The following GTF2E2 variants were observed in gnomAD, a reference collection of about 807,000 sequenced individuals.
GTF2E2 encodes the protein general transcription factor IIE subunit 2.
GTF2E2 carries 21 observed loss-of-function variants against 40.5 expected under a neutral mutation model. The observed-to-expected ratio is 0.52, with a 90% CI of 0.37 to 0.75. GTF2E2 has a LOEUF of 0.75. Ranked by LOEUF, GTF2E2 falls within the 30% of genes least tolerant of loss-of-function variation. The pLI is 0.00. For missense variants in GTF2E2, 298 were observed against 338.4 expected, an observed-to-expected ratio of 0.88 and a Z score of 0.94; for synonymous variants, 117 against 121.6, an observed-to-expected ratio of 0.96 and a Z score of 0.25.
intron 3 of GTF2E2, among the ~76,000 whole-genome samples, chr8:30,616,834 A>C (rs772399450): frequency 6.6e-6 from 1 of 152,162 alleles, no homozygotes; most frequent in African/African-American, 2.4e-5. Context: ...TTTAAAGTAA[A>C]TAAGAAAAAA....
At chr8:30,627,548 G>A (rs1801324475) in intron 3 of GTF2E2, among the ~76,000 whole-genome samples, 1 of 151,926 alleles carries the variant, frequency 6.6e-6, no homozygotes, top group African/African-American at 2.4e-5. Flanking sequence ...TCTTGAATGG[G>A]CCAGATGCAG....
chr8:30,615,270 A>G (rs1191551106), intron 3 of GTF2E2, among the ~76,000 whole-genome samples: 1 of 152,136 alleles, frequency 6.6e-6, no homozygotes, highest in Non-Finnish European at 1.5e-5. Context: ...CAAGAGCAAG[A>G]CTCTGTCTTG....
At chr8:30,651,620 T>C (rs981052188) in intron 2 of GTF2E2, among the ~76,000 whole-genome samples, 8 of 152,208 alleles carry the variant, frequency 5.3e-5, no homozygotes, top group Non-Finnish European at 8.8e-5. Context: ...CATCTATTCA[T>C]TGACTGGAAG....
chr8:30,593,713 C>G (rs2979501), intron 6 of GTF2E2, among the ~76,000 whole-genome samples: 2,477 of 152,120 alleles, frequency 0.016, 40 homozygotes, highest in Non-Finnish European at 0.027. Flanking sequence ...CCAGGCTGGC[C>G]TCAAGCGATC....
chr8:30,595,791 C>T (rs1395338934), intron 6 of GTF2E2, among the ~76,000 whole-genome samples: 2 of 151,780 alleles, frequency 1.3e-5, no homozygotes, highest in South Asian at 4.2e-4. Context: ...AAGATTGCAC[C>T]ACTGCACTCT....
chr8:30,583,429 G>C (rs1366718960), intron 6 of GTF2E2, among the ~76,000 whole-genome samples: 1 of 152,210 alleles, frequency 6.6e-6, no homozygotes, highest in East Asian at 1.9e-4. Flanking sequence ...ACCTAGGCTG[G>C]AGTGCAGTGG....
In GTF2E2 at chr8:30,583,106, G is replaced by C. The variant is rs1351164450; in HGVS notation, c.644-2710C>G. 2.0e-5 allele frequency among the ~76,000 whole-genome samples: 3 copies of C among 152,102 alleles called. No homozygotes were observed. The East Asian group carries it at 5.8e-4, about 29-fold the overall frequency. On this transcript the variant is annotated intron_variant, in intron 6 of 7. Coordinates refer to ENST00000355904, the MANE Select transcript of GTF2E2 (RefSeq NM_002095.6). ...CCCAGCACTTTGGGAGGCCGAGGAG[G>C]GTGGATCATTCAAGGTCAGGAGTTC...
At chr8:30,652,000 G>A (rs1802294121) in intron 2 of GTF2E2, among the ~76,000 whole-genome samples, 1 of 152,130 alleles carries the variant, frequency 6.6e-6, no homozygotes, top group Non-Finnish European at 1.5e-5. Context: ...AAATGATGCT[G>A]GGACAACTTC....
At chr8:30,623,586 G>A (rs896301096) in intron 3 of GTF2E2, among the ~76,000 whole-genome samples, 16 of 152,136 alleles carry the variant, frequency 1.1e-4, no homozygotes, top group South Asian at 4.1e-4. Context: ...CTGAGGAATC[G>A]CCACACTGAC....
intron 3 of GTF2E2, among the ~76,000 whole-genome samples, chr8:30,627,348 A>G (rs192648271): frequency 7.9e-5 from 12 of 151,294 alleles, no homozygotes; most frequent in East Asian, 3.9e-4. Context: ...TGGTGTCTTC[A>G]TATCTGGAAA....
Position 30,579,580 on chromosome 8 carries a change from G to C in GTF2E2, c.760-543C>G, listed in dbSNP as rs187955852. 2.6e-3 allele frequency among the ~76,000 whole-genome samples: 399 copies of C among 152,234 alleles called. 1 individual carries two copies. The highest frequency in any genetic ancestry group is 9.2e-3 in the African/African-American group (384 of 41,530). On this transcript the variant is annotated intron_variant, in intron 7 of 7. Transcript: ENST00000355904. ...AGATTGACAATAAAGCTTCCCTTTA[G>C]GTGAGTCCTAAAAATTCACCAAACA...
intron 6 of GTF2E2, among the ~76,000 whole-genome samples, chr8:30,583,583 T>C (rs1828576162): frequency 6.6e-6 from 1 of 152,066 alleles, no homozygotes; most frequent in Non-Finnish European, 1.5e-5. Context: ...TTTCATCATG[T>C]TGCCAAGGCT....
chr8:30,611,310 G>T (rs1389218219), intron 5 of GTF2E2, among the ~76,000 whole-genome samples: 3 of 152,156 alleles, frequency 2.0e-5, no homozygotes, highest in African/African-American at 7.2e-5. Context: ...AAATGTATTA[G>T]ATATATGAAG....
intron 6 of GTF2E2, chr8:30,585,083 G>A (rs1828632953): frequency 6.6e-6 from 1 of 152,296 alleles, no homozygotes; most frequent in Admixed American, 6.5e-5. Flanking sequence ...CTACTTGGGA[G>A]GCTGAGGAAG....
intron 2 of GTF2E2, among the ~76,000 whole-genome samples, chr8:30,639,865 G>T (rs1268230426): frequency 6.6e-6 from 1 of 151,144 alleles, no homozygotes; most frequent in East Asian, 1.9e-4. Context: ...GCTGTAATAA[G>T]ATACTAGATC....
At chr8:30,616,397 T>C (rs1322080041) in intron 3 of GTF2E2, among the ~76,000 whole-genome samples, 1 of 151,994 alleles carries the variant, frequency 6.6e-6, no homozygotes. Context: ...GATCAAGCCA[T>C]TGCATTCCAG....
Position 30,614,292 on chromosome 8 carries a change from A to C in GTF2E2, c.366+316T>G, listed in dbSNP as rs1800841918. Among the ~76,000 whole-genome samples the C allele has an allele frequency of 4.6e-5, 7 of 152,222 alleles. No homozygotes were observed. In the South Asian group the frequency reaches 1.4e-3, roughly 31 times the overall value. ...TTATCAGATTTCACCATATTAAAAC[A>C]TTCTAGGCAAGGCGCAGTGGCTCAT... On this transcript the variant is annotated intron_variant, in intron 4 of 7. Coordinates refer to ENST00000355904, the MANE Select transcript of GTF2E2 (RefSeq NM_002095.6).
rs61566167 is a variant in GTF2E2, at chr8:30,620,239, A to AACACAAACACACACAC, written c.259-5525_259-5524insGTGTGTGTGTTTGTGT. On this transcript the variant is annotated intron_variant, in intron 3 of 7. Coordinates refer to ENST00000355904, the MANE Select transcript of GTF2E2 (RefSeq NM_002095.6). ...AATAGGAAACTTATACACACACACA[A>AACACAAACACACACAC]ACACACACACACACACACAAACACA... 2.7e-4 allele frequency among the ~76,000 whole-genome samples: 41 copies of AACACAAACACACACAC among 150,508 alleles called. 1 individual carries two copies. The highest frequency in any genetic ancestry group is 4.2e-4 in the African/African-American group (17 of 40,604).
chr8:30,653,727 T>C, intron 1 of GTF2E2, 125 bp from the exon 2 acceptor site: 1 of 655,682 alleles, frequency 1.5e-6, no homozygotes, highest in East Asian at 2.7e-5. Flanking sequence ...TCTCTAGCAC[T>C]TGCATTTATT....
Sources: allele counts gnomAD v4.1 joint callset (sites outside exome capture counted in the v4.1 genomes callset), GRCh38; gene constraint gnomAD v4.1.1; transcripts MANE v1.5; gene names NCBI Gene and HGNC (gene_info 2026-07-23, HGNC 2026-07-21).